ARID4B: variants seen among roughly 807,000 people sequenced by gnomAD.
ARID4B encodes AT-rich interaction domain 4B.
Under a neutral mutation model 147.5 loss-of-function variants are expected in ARID4B, and 26 were observed. The ratio of observed to expected loss-of-function variants is 0.18; its 90% CI spans 0.13 to 0.24. ARID4B has a LOEUF of 0.24. ARID4B is among the 10% of genes least tolerant of loss of function. ARID4B has a pLI of 1.00. For synonymous variants in ARID4B, 512 were observed against 507.9 expected (o/e 1.01, Z -0.11); for missense variants, 1,179 against 1,511.5 (o/e 0.78, Z 3.65).
At chr1:235,269,657 T>C (rs1670841723) in intron 2 of ARID4B, among the ~76,000 whole-genome samples, 1 of 152,092 alleles carries the variant, frequency 6.6e-6, no homozygotes, top group Admixed American at 6.6e-5. Flanking sequence ...CACACATATA[T>C]ATACACACAC....
chr1:235,230,571 GATT>G (rs1380532058), intron 10 of ARID4B, among the ~76,000 whole-genome samples: 1 of 121,830 alleles, frequency 8.2e-6, no homozygotes, highest in Non-Finnish European at 1.6e-5. Context: ...CATTATTCTA[GATT>G]ATTATGCCTG....
chr1:235,194,594 G>A (rs1302123376), intron 18 of ARID4B, among the ~76,000 whole-genome samples: 1 of 152,110 alleles, frequency 6.6e-6, no homozygotes, highest in Non-Finnish European at 1.5e-5. Context: ...GCCGCGGCAG[G>A]TGGATCACCT....
intron 22 of ARID4B, among the ~76,000 whole-genome samples, chr1:235,173,764 AAAAAAAAATATATATATATAT>A (rs1383812438): frequency 2.0e-5 from 1 of 50,882 alleles, no homozygotes; most frequent in Non-Finnish European, 3.3e-5. Context: ...AAAAAAAAAA[AAAAAAAAATATATATATATAT>A]ATATATATAT....
At position 235,273,938 on chromosome 1, in the gene ARID4B, T is replaced by C. The variant is rs76405844; in HGVS notation, c.7-13186A>G. Among the ~76,000 whole-genome samples the C allele has an allele frequency of 1.5e-3, 235 of 152,286 alleles. 2 individuals are homozygous for C. Among genetic ancestry groups the C allele is most frequent in the African/African-American group, 5.4e-3 (225 of 41,542 alleles). On this transcript the variant is annotated intron_variant, in intron 2 of 23. Coordinates refer to ENST00000264183, the MANE Select transcript of ARID4B (RefSeq NM_016374.6). ...AACATATCACTTACTGTGAACTCCA[T>C]CTCCGTTGTTTTATAATCAAACCTG...
At chr1:235,251,938 T>C (rs1285137165) in intron 6 of ARID4B, among the ~76,000 whole-genome samples, 2 of 152,188 alleles carry the variant, frequency 1.3e-5, no homozygotes, top group East Asian at 3.8e-4. Context: ...TGCTAGAAAG[T>C]GCTGGTTAGA....
chr1:235,213,818 C>T lies in ARID4B; in HGVS notation c.1792G>A (p.Glu598Lys), dbSNP rs1666861789. Reference protein sequence around the residue: ...YEASIKDSDVEGGEVLYLVHY... With the variant: ...YEASIKDSDVKGGEVLYLVHY... Reference sequence around the variant, plus strand: ...ACCAAGTAAAGGACCTCTCCACCTTCGACATCAGAATCTTTAATACTAGCT... The same window carrying T: ...ACCAAGTAAAGGACCTCTCCACCTTTGACATCAGAATCTTTAATACTAGCT... Residue 598 changes from glutamate (E) to lysine (K), a missense_variant, in exon 17 of 24, where the codon GAA becomes AAA. By Grantham distance (56) the Glu-to-Lys change is moderately conservative. Coordinates refer to ENST00000264183, the MANE Select transcript of ARID4B (RefSeq NM_016374.6). 1 of 1,614,034 alleles carries T rather than the reference C, an allele frequency of 6.2e-7. No homozygotes were observed. The highest frequency in any genetic ancestry group is 8.5e-7 in the Non-Finnish European group (1 of 1,179,946).
At chr1:235,292,413 A>G (rs947169319) in intron 2 of ARID4B, among the ~76,000 whole-genome samples, 2 of 152,218 alleles carry the variant, frequency 1.3e-5, no homozygotes, top group Admixed American at 1.3e-4. Flanking sequence ...CAGGTGTTCA[A>G]GAACAGCCTG....
chr1:235,266,234 G>T (rs1013883414), intron 2 of ARID4B, among the ~76,000 whole-genome samples: 1 of 152,012 alleles, frequency 6.6e-6, no homozygotes. Context: ...CCAATTTAGA[G>T]ACATAAAAAA....
chr1:235,228,067 C>T (rs1667944793), intron 11 of ARID4B, among the ~76,000 whole-genome samples: 1 of 151,828 alleles, frequency 6.6e-6, no homozygotes, highest in Non-Finnish European at 1.5e-5. Flanking sequence ...AACTCCTGAT[C>T]TCATGATCTG....
Position 235,326,937 on chromosome 1 carries a change from G to A in ARID4B, c.-18C>T, listed in dbSNP as rs544337391. The A allele has an allele frequency of 3.7e-6, 6 of 1,613,684 alleles. No individual in the cohort carries two copies. Among genetic ancestry groups the A allele is most frequent in the Non-Finnish European group, 5.1e-6 (6 of 1,179,760 alleles). ...ACCTTCATGATGACTCTGGGACCAA[G>A]GTATCCTCTAAAACACCAGGTTCAG... On this transcript the variant is annotated 5_prime_UTR_variant, in exon 2 of 24. Transcript: ENST00000264183.
rs796176864 is a variant in ARID4B, at chr1:235,271,755, C to A, written c.7-11003G>T. Among the ~76,000 whole-genome samples the A allele has an allele frequency of 2.0e-4, 31 of 152,126 alleles. 1 individual carries two copies. The highest frequency in any genetic ancestry group is 7.5e-4 in the African/African-American group (31 of 41,502). On this transcript the variant is annotated intron_variant, in intron 2 of 23. Coordinates refer to ENST00000264183, the MANE Select transcript of ARID4B (RefSeq NM_016374.6). ...CCTGAGGTAAGGAGTTTGAGACCAG[C>A]CTGACCAACATAGTGAAACCCTGTC...
chr1:235,247,645 T>G (rs555451735), intron 6 of ARID4B, among the ~76,000 whole-genome samples: 1 of 152,282 alleles, frequency 6.6e-6, no homozygotes, highest in South Asian at 2.1e-4. Context: ...CAAATTTAGT[T>G]TGTACAGAAC....
intron 20 of ARID4B, chr1:235,181,304 A>T (rs1664292150): frequency 1.7e-6 from 1 of 579,492 alleles, no homozygotes; most frequent in African/African-American, 1.9e-5. Flanking sequence ...ATGAATTCTC[A>T]AACAGGTTTG....
rs1484671527 is a variant in ARID4B, at chr1:235,236,860, A to AT, written c.586-2369dup. 8.6e-3 allele frequency among the ~76,000 whole-genome samples: 175 copies of AT among 20,396 alleles called. 2 individuals are homozygous for AT. Among genetic ancestry groups the AT allele is most frequent in the Middle Eastern group, 0.045 (1 of 22 alleles). The allele number at this position is 20,396 out of a possible 152,430, so 13.4% of individuals were successfully genotyped here. ...TATATATATATATATATATATATAT[A>AT]TATTTTTTTTTTTTTTTTTTTTTTT... On this transcript the variant is annotated intron_variant, in intron 8 of 23. Coordinates refer to ENST00000264183, the MANE Select transcript of ARID4B (RefSeq NM_016374.6).
At position 235,168,432 on chromosome 1, in the gene ARID4B, C is replaced by T; in HGVS notation, c.*93G>A. On this transcript the variant is annotated 3_prime_UTR_variant, in exon 24 of 24. Coordinates refer to ENST00000264183, the MANE Select transcript of ARID4B (RefSeq NM_016374.6). ...AACAATTTTTAAATATAAAATAGTG[C>T]TTGTCTGATATTTTTTTGTGCCACT... 7.2e-7 allele frequency: 1 copy of T among 1,384,560 alleles called. No individual in the cohort carries two copies. Among genetic ancestry groups the T allele is most frequent in the Non-Finnish European group, 9.6e-7 (1 of 1,039,840 alleles). 85.8% of individuals were successfully genotyped at this position (1,384,560 alleles called of 1,614,324 possible).
At chr1:235,196,136 TATAA>T in intron 17 of ARID4B, 21 bp from the exon 18 acceptor site, 1 of 1,259,204 alleles carries the variant, frequency 7.9e-7, no homozygotes, top group Non-Finnish European at 1.1e-6. Flanking sequence ...AGGAAATTAA[TATAA>T]ATATGTACAA....
chr1:235,327,458 G>A (rs1038529641), intron 1 of ARID4B: 2 of 152,238 alleles, frequency 1.3e-5, no homozygotes, highest in South Asian at 2.1e-4. Flanking sequence ...GACCCGACAA[G>A]TGGGAGCGAG....
At chr1:235,257,331 G>A in intron 3 of ARID4B, 106 bp from the exon 4 acceptor site, 1 of 752,024 alleles carries the variant, frequency 1.3e-6, no homozygotes, top group Non-Finnish European at 2.3e-6. Flanking sequence ...AATAATAGCT[G>A]CCTAGTTTAT....
intron 12 of ARID4B, 122 bp from the exon 13 acceptor site, chr1:235,223,382 T>TATATACACGTGTATATATATATATAC (rs71172272): frequency 9.3e-6 from 2 of 214,214 alleles, no homozygotes; most frequent in Admixed American, 6.7e-5. Flanking sequence ...TATATATATA[T>TATATACACGTGTATATATATATATAC]ACACGTATAT....
Sources: gnomAD v4.1 joint callset for allele counts (sites outside exome capture counted in the v4.1 genomes callset) on GRCh38, gnomAD v4.1.1 for gene constraint, MANE v1.5 for transcripts, NCBI Gene and HGNC (gene_info 2026-07-23, HGNC 2026-07-21) for gene names.